The following GALNT13 variants were observed in gnomAD, a reference collection of about 807,000 sequenced individuals.
GALNT13 encodes the protein polypeptide N-acetylgalactosaminyltransferase 13.
In GALNT13, 28 loss-of-function variants were observed where a neutral mutation model predicts 64.2. The observed-to-expected ratio is 0.44, with a 90% CI of 0.32 to 0.60. The LOEUF is 0.60. Among genes scored for constraint, GALNT13 ranks in the 20% least tolerant of loss-of-function variants. The pLI, the probability that GALNT13 is intolerant of heterozygous loss-of-function variation, is 0.05. For missense variants in GALNT13, 577 were observed against 669.8 expected (o/e 0.86, Z 1.53); for synonymous variants, 214 against 224.6 (o/e 0.95, Z 0.42).
chr2:153,848,837 AG>A, the GALNT13 span, among the ~76,000 whole-genome samples: 1 of 151,820 alleles, frequency 6.6e-6, no homozygotes, highest in Non-Finnish European at 1.5e-5. Context: ...CTTTCCACAA[AG>A]AAATTATAAA....
chr2:153,093,393 C>T, the GALNT13 span, among the ~76,000 whole-genome samples: 1 of 151,878 alleles, frequency 6.6e-6, no homozygotes. Context: ...TGCATGCCAC[C>T]ATGCCTGGCT....
rs1042066928 is a variant in GALNT13, at chr2:154,262,821, A to G, written c.975+3683A>G. ...TGAAGTGTTGGATTTTGGAGGATAC[A>G]TAGGGGTTGAAATTTTAGACAAGAA... is the stretch of plus-strand genomic sequence containing the variant. On this transcript the variant is annotated intron_variant, in intron 8 of 12. Coordinates refer to ENST00000392825, the MANE Select transcript of GALNT13 (RefSeq NM_052917.4). Among the ~76,000 whole-genome samples the G allele has an allele frequency of 3.3e-5, 5 of 152,174 alleles. No homozygotes were observed. In the East Asian group the frequency reaches 9.6e-4, roughly 29 times the overall value.
At chr2:153,316,639 C>CAAAAAAAAAAAAAAAAAAA in the GALNT13 span, among the ~76,000 whole-genome samples, 67 of 69,812 alleles carry the variant, frequency 9.6e-4, 4 homozygotes, top group African/African-American at 1.2e-3. Flanking sequence ...GACTCCGTCT[C>CAAAAAAAAAAAAAAAAAAA]AAAAAAAAAA....
At chr2:153,321,316 A>G in the GALNT13 span, among the ~76,000 whole-genome samples, 10 of 152,194 alleles carry the variant, frequency 6.6e-5, no homozygotes, top group Non-Finnish European at 1.5e-4. Context: ...GAGCTTCCCA[A>G]CTGAGTTGCT....
At chr2:154,095,646 A>C (rs1702037880) in intron 3 of GALNT13, among the ~76,000 whole-genome samples, 1 of 152,026 alleles carries the variant, frequency 6.6e-6, no homozygotes, top group Non-Finnish European at 1.5e-5. Context: ...ATGTGAATAG[A>C]ATGTACTTCT....
chr2:153,069,951 AG>A, the GALNT13 span, among the ~76,000 whole-genome samples: 1 of 152,108 alleles, frequency 6.6e-6, no homozygotes, highest in Non-Finnish European at 1.5e-5. Context: ...AATTCTATCT[AG>A]GGAAGCTGTA....
chr2:154,449,628 G>A (rs1701781653), intron 12 of GALNT13, among the ~76,000 whole-genome samples: 1 of 151,520 alleles, frequency 6.6e-6, no homozygotes, highest in South Asian at 2.1e-4. Flanking sequence ...TATATAATTA[G>A]TATGTATAAA....
chr2:154,395,842 G>A (rs1699028984), intron 9 of GALNT13, 149 bp from the exon 10 acceptor site: 2 of 557,730 alleles, frequency 3.6e-6, no homozygotes, highest in South Asian at 6.3e-5. Context: ...TAATTCGATG[G>A]TAGTAAAAAT....
chr2:153,975,757 C>T (rs999630427), intron 3 of GALNT13, among the ~76,000 whole-genome samples: 2 of 152,032 alleles, frequency 1.3e-5, no homozygotes, highest in Non-Finnish European at 2.9e-5. Flanking sequence ...AGCTTGGTGG[C>T]TACAGTTCAG....
At chr2:153,288,994 A>AACC in the GALNT13 span, among the ~76,000 whole-genome samples, 22 of 152,344 alleles carry the variant, frequency 1.4e-4, no homozygotes, top group African/African-American at 5.3e-4. Context: ...TTACAGTTGT[A>AACC]ACCAGCAGTA....
the GALNT13 span, among the ~76,000 whole-genome samples, chr2:153,161,605 T>C: frequency 6.6e-6 from 1 of 151,232 alleles, no homozygotes; most frequent in Non-Finnish European, 1.5e-5. Flanking sequence ...AGAAAGAGTA[T>C]TCCAAGCAGA....
chr2:154,314,598 C>T (rs1312142097), intron 9 of GALNT13, among the ~76,000 whole-genome samples: 4 of 151,950 alleles, frequency 2.6e-5, no homozygotes, highest in Non-Finnish European at 4.4e-5. Flanking sequence ...CTTCCACTCA[C>T]GGTGGAAGGT....
chr2:153,227,613 A>G, the GALNT13 span, among the ~76,000 whole-genome samples: 2 of 152,204 alleles, frequency 1.3e-5, no homozygotes, highest in African/African-American at 2.4e-5. Context: ...TAAATACAGT[A>G]ACTAATCTGC....
intron 3 of GALNT13, among the ~76,000 whole-genome samples, chr2:154,118,614 G>T (rs1055013274): frequency 4.6e-5 from 7 of 151,106 alleles, no homozygotes; most frequent in Non-Finnish European, 1.0e-4. Flanking sequence ...TTTCTTTGTG[G>T]TTCCATGGTT....
chr2:153,847,892 G>A, the GALNT13 span, among the ~76,000 whole-genome samples: 1 of 152,102 alleles, frequency 6.6e-6, no homozygotes, highest in Admixed American at 6.5e-5. Flanking sequence ...TTACCTAAAG[G>A]TTCAGCTACA....
chr2:154,117,256 C>G (rs1165352468), intron 3 of GALNT13, among the ~76,000 whole-genome samples: 1 of 152,100 alleles, frequency 6.6e-6, no homozygotes, highest in Non-Finnish European at 1.5e-5. Flanking sequence ...TACTTTGCAT[C>G]CTTCAATCCA....
chr2:153,352,368 G>T, the GALNT13 span, among the ~76,000 whole-genome samples: 2 of 152,046 alleles, frequency 1.3e-5, no homozygotes, highest in Non-Finnish European at 2.9e-5. Context: ...TTCTTTATCA[G>T]TTATGTCTTT....
intron 3 of GALNT13, among the ~76,000 whole-genome samples, chr2:154,058,452 T>C (rs1205159533): frequency 1.3e-5 from 2 of 152,200 alleles, no homozygotes; most frequent in African/African-American, 4.8e-5. Flanking sequence ...GGTAGAATAT[T>C]ATAAGGCAAC....
Position 154,024,760 on chromosome 2 carries a change from A to G in GALNT13, c.142+80121A>G, listed in dbSNP as rs186585983. 1.4e-3 allele frequency among the ~76,000 whole-genome samples: 206 copies of G among 152,162 alleles called. 2 individuals are homozygous for G. In the East Asian group the frequency reaches 0.029, roughly 22 times the overall value. Reference sequence around the variant, plus strand: ...AGGAGCTGCATTCCTTTGGAGGAGGAGAGGCACTCTGATTTTTAGAGTTTC... The same window carrying G: ...AGGAGCTGCATTCCTTTGGAGGAGGGGAGGCACTCTGATTTTTAGAGTTTC... On this transcript the variant is annotated intron_variant, in intron 3 of 12. Coordinates refer to ENST00000392825, the MANE Select transcript of GALNT13 (RefSeq NM_052917.4).
Sources: allele counts gnomAD v4.1 joint callset (sites outside exome capture counted in the v4.1 genomes callset), GRCh38; gene constraint gnomAD v4.1.1; transcripts MANE v1.5; gene names NCBI Gene and HGNC (gene_info 2026-07-23, HGNC 2026-07-21).